SLC25A20: variants seen among roughly 807,000 people sequenced by gnomAD.
The protein encoded by SLC25A20 is solute carrier family 25 member 20.
SLC25A20 carries 29 observed loss-of-function variants against 39.7 expected under a neutral mutation model. The ratio of observed to expected loss-of-function variants is 0.73; its 90% CI spans 0.54 to 1.00. The LOEUF is 1.00. SLC25A20 is among the 50% of genes least tolerant of loss of function. The pLI, the probability that SLC25A20 is intolerant of heterozygous loss-of-function variation, is 0.00. For synonymous variants in SLC25A20, 103 were observed against 142.2 expected, an observed-to-expected ratio of 0.72 and a Z score of 1.96; for missense variants, 333 against 379.9, an observed-to-expected ratio of 0.88 and a Z score of 1.03.
intron 1 of SLC25A20, 31 bp downstream of exon 1, chr3:48,898,659 T>C (rs1316952180): frequency 6.4e-7 from 1 of 1,565,180 alleles, no homozygotes; most frequent in African/African-American, 1.4e-5. Flanking sequence ...CCGGGCCTCC[T>C]CCCCAAAGCC....
At chr3:48,862,434 A>AC (rs2083635174) in intron 5 of SLC25A20, 108 bp downstream of exon 5, 2 of 773,404 alleles carry the variant, frequency 2.6e-6, no homozygotes, top group African/African-American at 3.4e-5. Flanking sequence ...CAGAGATGTG[A>AC]CATGCATGGT....
intron 4 of SLC25A20, among the ~76,000 whole-genome samples, chr3:48,864,937 C>T (rs936996003): frequency 6.6e-6 from 1 of 152,020 alleles, no homozygotes; most frequent in Non-Finnish European, 1.5e-5. Flanking sequence ...TAAGAGGACT[C>T]CTGGGCTATA....
At chr3:48,892,554 G>C (rs1283314420) in intron 1 of SLC25A20, among the ~76,000 whole-genome samples, 2 of 152,156 alleles carry the variant, frequency 1.3e-5, no homozygotes, top group Non-Finnish European at 2.9e-5. Flanking sequence ...GCAAGTTTGA[G>C]ACCCAAAAAG....
chr3:48,892,091 A>G lies in SLC25A20; in HGVS notation c.106-19T>C. Reference sequence around the variant, plus strand: ...GTCGGACCTGAAAACAGAAGTTAAAATGCAGTCACCTACCAGAATCAGAAC... The same window carrying G: ...GTCGGACCTGAAAACAGAAGTTAAAGTGCAGTCACCTACCAGAATCAGAAC... On this transcript the variant is annotated intron_variant, in intron 1 of 8. Coordinates refer to ENST00000319017, the MANE Select transcript of SLC25A20 (RefSeq NM_000387.6). The G allele has an allele frequency of 6.2e-7, 1 of 1,603,424 alleles. No homozygotes were observed. Among genetic ancestry groups the G allele is most frequent in the South Asian group, 1.1e-5 (1 of 90,884 alleles).
At chr3:48,885,532 G>A (rs537527390) in intron 2 of SLC25A20, among the ~76,000 whole-genome samples, 17 of 152,150 alleles carry the variant, frequency 1.1e-4, no homozygotes, top group Non-Finnish European at 2.1e-4. Flanking sequence ...AAGGCTGGGT[G>A]CAGTAGCTCA....
intron 4 of SLC25A20, among the ~76,000 whole-genome samples, chr3:48,864,718 C>T (rs368483077): frequency 2.6e-5 from 4 of 152,066 alleles, no homozygotes; most frequent in Non-Finnish European, 5.9e-5. Flanking sequence ...AACATATTTA[C>T]AGAATCCTAT....
At chr3:48,861,788 A>C (rs1469104035) in intron 5 of SLC25A20, among the ~76,000 whole-genome samples, 1 of 152,034 alleles carries the variant, frequency 6.6e-6, no homozygotes, top group African/African-American at 2.4e-5. Context: ...GCACCTTGGG[A>C]GGCCGAGGCA....
chr3:48,889,195 T>C (rs1205602769), intron 2 of SLC25A20, among the ~76,000 whole-genome samples: 1 of 151,704 alleles, frequency 6.6e-6, no homozygotes, highest in Non-Finnish European at 1.5e-5. Context: ...ATATTATTCT[T>C]ATTTTGAGAC....
intron 4 of SLC25A20, among the ~76,000 whole-genome samples, chr3:48,863,745 G>C (rs766794213): frequency 1.3e-5 from 2 of 152,190 alleles, no homozygotes; most frequent in African/African-American, 4.8e-5. Flanking sequence ...GGCCGGGCAC[G>C]GTGGCTCACA....
At chr3:48,897,414 A>G (rs751427494) in intron 1 of SLC25A20, among the ~76,000 whole-genome samples, 2 of 148,018 alleles carry the variant, frequency 1.4e-5, no homozygotes, top group Non-Finnish European at 3.0e-5. Context: ...GCCTAGAACT[A>G]ATAAGATATC....
intron 2 of SLC25A20, among the ~76,000 whole-genome samples, chr3:48,885,851 A>G (rs904996097): frequency 6.6e-5 from 10 of 152,180 alleles, no homozygotes; most frequent in Non-Finnish European, 1.0e-4. Context: ...AATACACACT[A>G]GAACAACAGA....
intron 5 of SLC25A20, among the ~76,000 whole-genome samples, chr3:48,860,255 T>G (rs1342852606): frequency 3.5e-5 from 5 of 144,146 alleles, no homozygotes; most frequent in Admixed American, 1.4e-4. Context: ...GAGCTGAGAC[T>G]GCGCCACTGC....
chr3:48,879,324 G>T, intron 4 of SLC25A20, 34 bp downstream of exon 4: 1 of 1,465,554 alleles, frequency 6.8e-7, no homozygotes, highest in South Asian at 1.1e-5. Flanking sequence ...AAACTGAAAG[G>T]AAAAAGCTAT....
chr3:48,859,477 T>C, intron 6 of SLC25A20, 78 bp downstream of exon 6: 1 of 1,207,014 alleles, frequency 8.3e-7, no homozygotes, highest in South Asian at 1.2e-5. Context: ...CAACTACTTC[T>C]GCTTTCAGAT....
chr3:48,872,610 G>T (rs1024642844), intron 4 of SLC25A20, among the ~76,000 whole-genome samples: 14 of 151,814 alleles, frequency 9.2e-5, no homozygotes, highest in Admixed American at 5.9e-4. Flanking sequence ...CAGCACTTTG[G>T]GAGGCCAAGG....
intron 4 of SLC25A20, among the ~76,000 whole-genome samples, chr3:48,862,910 G>A (rs2083638090): frequency 6.6e-6 from 1 of 152,160 alleles, no homozygotes; most frequent in African/African-American, 2.4e-5. Context: ...AAGTTGAGGA[G>A]GCCGGGTGCA....
rs1428215338 is a variant in SLC25A20, at chr3:48,859,561, C to G, written c.602G>C (p.Gly201Ala). ...EWLKNIFTPE[G>A]KRVSELSAPR... Reference sequence around the variant, plus strand: ...CAAGTTATGTTTTCCTCACCTCTTTCCCTCCGGAGTGAAGATATTTTTCAG... The same window carrying G: ...CAAGTTATGTTTTCCTCACCTCTTTGCCTCCGGAGTGAAGATATTTTTCAG... Residue 201 changes from glycine (G) to alanine (A), a missense_variant, in exon 6 of 9, where the codon GGA becomes GCA. Gly to Ala is a moderately conservative substitution (Grantham distance 60). Coordinates refer to ENST00000319017, the MANE Select transcript of SLC25A20 (RefSeq NM_000387.6). 1.2e-6 allele frequency: 2 copies of G among 1,613,734 alleles called. No individual in the cohort carries two copies. The highest frequency in any genetic ancestry group is 1.7e-6 in the Non-Finnish European group (2 of 1,179,618).
intron 2 of SLC25A20, 73 bp from the exon 3 acceptor site, chr3:48,884,197 G>A (rs1575989690): frequency 6.3e-7 from 1 of 1,597,694 alleles, no homozygotes; most frequent in Non-Finnish European, 8.6e-7. Flanking sequence ...GAGGAAAGCA[G>A]TGTGTCCTCC....
At chr3:48,890,505 T>C (rs1159690609) in intron 2 of SLC25A20, among the ~76,000 whole-genome samples, 2 of 151,578 alleles carry the variant, frequency 1.3e-5, no homozygotes, top group African/African-American at 4.8e-5. Context: ...TTCTTATAAG[T>C]GCATAGAGGA....
Sources: allele counts gnomAD v4.1 joint callset (sites outside exome capture counted in the v4.1 genomes callset), GRCh38; gene constraint gnomAD v4.1.1; transcripts MANE v1.5; gene names NCBI Gene and HGNC (gene_info 2026-07-23, HGNC 2026-07-21).